The following RELN variants were observed in gnomAD, a reference collection of about 807,000 sequenced individuals.
The protein encoded by RELN is reelin.
RELN carries 108 observed loss-of-function variants against 427.6 expected under a neutral mutation model. The observed-to-expected ratio is 0.25, with a 90% CI of 0.22 to 0.30. The LOEUF is 0.30. Ranked by LOEUF, RELN falls within the 10% of genes least tolerant of loss-of-function variation. The pLI, the probability that RELN is intolerant of heterozygous loss-of-function variation, is 1.00. For synonymous variants in RELN, 1,524 were observed against 1,513.4 expected (o/e 1.01, Z -0.16); for missense variants, 3,715 against 4,302.8 (o/e 0.86, Z 3.82).
Position 103,496,643 on chromosome 7 carries a change from C to G in RELN, c.9076G>C (p.Val3026Leu). Reference sequence around the variant, plus strand: ...GAGACCACAATTCCATTGCTGATCACAAAAGGCTGCCACCAGCGAAGTCGA... The same window carrying G: ...GAGACCACAATTCCATTGCTGATCAGAAAAGGCTGCCACCAGCGAAGTCGA... ...TTRLRWWQPF[V>L]ISNGIVVSGV... The change falls in exon 56 of 65, where the codon GTG becomes CTG. Residue 3026 changes from valine to leucine, a missense_variant. Physicochemically the swap from Val to Leu is conservative, Grantham distance 32 (BLOSUM62 1). This residue lies in a region of RELN where 1,310 missense variants were observed against 1,643.0 expected (regional missense o/e 0.80). Coordinates refer to ENST00000428762, the MANE Select transcript of RELN (RefSeq NM_005045.4). 1 of 1,614,166 alleles carries G rather than the reference C, an allele frequency of 6.2e-7. No individual in the cohort carries two copies.
rs16872014 is a variant in RELN at position 103,515,485 on chromosome 7, C to T, written c.7863-44G>A. 81,501 of 1,589,492 alleles carry T rather than the reference C, an allele frequency of 0.051. 2,877 individuals carry two copies. Among genetic ancestry groups the T allele is most frequent in the East Asian group, 0.17 (7,675 of 43,960 alleles). ...GAAGGGTGTGGGGAAGAACCCTTGT[C>T]AAATATCTTCTCTGAGTAAAAGATT... On this transcript the variant is annotated intron_variant, in intron 49 of 64. Transcript: ENST00000428762.
intron 1 of RELN, among the ~76,000 whole-genome samples, chr7:103,930,647 A>G (rs1315267289): frequency 2.0e-5 from 3 of 152,010 alleles, no homozygotes; most frequent in African/African-American, 4.8e-5. Context: ...AAAATTTTTC[A>G]GTATAGACAA....
Position 103,593,843 on chromosome 7 carries a change from G to T in RELN, c.3751C>A (p.Gln1251Lys). The T allele has an allele frequency of 6.2e-7, 1 of 1,613,858 alleles. No homozygotes were observed. The highest frequency in any genetic ancestry group is 1.1e-5 in the South Asian group (1 of 91,070). Residue 1251 changes from glutamine to lysine, a missense_variant, in exon 27 of 65, where the codon CAG (glutamine) becomes AAG (lysine). By Grantham distance (53) the Gln-to-Lys change is moderately conservative (BLOSUM62 1). This residue lies in a region of RELN where 2,208 missense variants were observed against 2,361.7 expected (regional missense o/e 0.93). Transcript: ENST00000428762. ...EKPAFDYPMN[Q>K]MSVWLMLANE... ...GCCAACATCAACCACACACTCATCT[G>T]ATTCATAGGGTAATCAAAAGCTGGC...
chr7:103,690,510 T>C (rs977617032), intron 10 of RELN, among the ~76,000 whole-genome samples: 1 of 152,174 alleles, frequency 6.6e-6, no homozygotes, highest in Non-Finnish European at 1.5e-5. Flanking sequence ...GCTGATACAG[T>C]GTACCCCTTA....
intron 3 of RELN, among the ~76,000 whole-genome samples, chr7:103,832,202 C>A (rs979202205): frequency 6.6e-6 from 1 of 152,100 alleles, no homozygotes; most frequent in African/African-American, 2.4e-5. Context: ...ACAGGTTTTA[C>A]GGGATTTTGT....
rs796839967 is a variant in RELN, at chr7:103,791,117, A to G, written c.474-14490T>C. 7.9e-5 allele frequency among the ~76,000 whole-genome samples: 12 copies of G among 152,322 alleles called. 1 individual carries two copies. Among genetic ancestry groups the G allele is most frequent in the African/African-American group, 2.9e-4 (12 of 41,560 alleles). ...AAACATCACTGAAAAAAAAAGATGG[A>G]AATAAATGGAAAAACATCTTATGTT... is the stretch of plus-strand genomic sequence containing the variant. On this transcript the variant is annotated intron_variant, in intron 3 of 64. Transcript: ENST00000428762.
chr7:103,697,797 C>T (rs952496201), intron 10 of RELN, 56 bp downstream of exon 10: 3 of 1,611,716 alleles, frequency 1.9e-6, no homozygotes, highest in African/African-American at 1.3e-5. Flanking sequence ...TTGAGCTTCA[C>T]TTTTAGAAAG....
intron 64 of RELN, among the ~76,000 whole-genome samples, chr7:103,474,436 A>T (rs528198148): frequency 1.3e-5 from 2 of 152,260 alleles, no homozygotes; most frequent in African/African-American, 4.8e-5. Context: ...TTTCAAAAAA[A>T]TCAGGTTTTG....
chr7:103,621,887 G>A (rs1584352360), intron 20 of RELN, among the ~76,000 whole-genome samples: 1 of 152,112 alleles, frequency 6.6e-6, no homozygotes, highest in African/African-American at 2.4e-5. Flanking sequence ...GTGGTGGCAG[G>A]CGCCTGTAAT....
intron 3 of RELN, among the ~76,000 whole-genome samples, chr7:103,777,795 G>A (rs262340): frequency 0.4 from 61,255 of 151,568 alleles, 12,862 homozygotes; most frequent in African/African-American, 0.53. Context: ...AGTCTCTGAA[G>A]GTAATCTGAT....
intron 2 of RELN, 57 bp downstream of exon 2, chr7:103,917,018 T>C (rs1795496439): frequency 7.5e-6 from 9 of 1,205,208 alleles, no homozygotes; most frequent in Middle Eastern, 1.9e-4. Context: ...CTTTAAAACA[T>C]AAGACCTATG....
chr7:103,534,375 A>G (rs1308053549), intron 46 of RELN, among the ~76,000 whole-genome samples: 1 of 152,216 alleles, frequency 6.6e-6, no homozygotes, highest in Non-Finnish European at 1.5e-5. Context: ...ATGTAACACT[A>G]TTCCACTAGG....
rs1307467644 is a variant in RELN, at chr7:103,503,129, C to A, written c.8376G>T (p.Gln2792His). 6.2e-7 allele frequency: 1 copy of A among 1,614,088 alleles called. No individual in the cohort carries two copies. The highest frequency in any genetic ancestry group is 2.2e-5 in the East Asian group (1 of 44,886). Residue 2792 changes from glutamine (Q) to histidine (H), a missense_variant, in exon 52 of 65, where the codon CAG becomes CAT. By Grantham distance (24) the Gln-to-His change is conservative (BLOSUM62 0). Transcript: ENST00000428762. Reference sequence around the variant, plus strand: ...AGCATTTTGGGTCAGCAGGCAAGCACTGAGGGACCAGATAATTCCAACTCA... The same window carrying A: ...AGCATTTTGGGTCAGCAGGCAAGCAATGAGGGACCAGATAATTCCAACTCA... ...FGVSWNYLVP[Q>H]CLPADPKCSG...
intron 1 of RELN, among the ~76,000 whole-genome samples, chr7:103,987,015 G>A (rs1405734513): frequency 1.5e-5 from 2 of 137,102 alleles, no homozygotes; most frequent in African/African-American, 5.4e-5. Context: ...AAAAGGAAAA[G>A]AGACATACAT....
chr7:103,610,778 C>A lies in RELN; in HGVS notation c.2925G>T (p.Gln975His). The A allele has an allele frequency of 6.2e-7, 1 of 1,611,076 alleles. No homozygotes were observed. The highest frequency in any genetic ancestry group is 2.2e-5 in the East Asian group (1 of 44,798). The change falls in exon 22 of 65, where the codon CAG becomes CAT. Residue 975 changes from glutamine (Q) to histidine (H), a missense_variant. Gln to His is a conservative substitution (Grantham distance 24). Transcript: ENST00000428762. ...GGTAAATACTTGCTGATGTAAATTC[C>A]TGACAACTTGGCATACTTGGAAGGC... is the stretch of plus-strand genomic sequence containing the variant. Reference protein sequence around the residue: ...EECLPSMPSCQEFTSASIYHA... With the variant: ...EECLPSMPSCHEFTSASIYHA...
intron 22 of RELN, among the ~76,000 whole-genome samples, chr7:103,607,005 C>T (rs533986448): frequency 4.4e-4 from 65 of 147,964 alleles, no homozygotes; most frequent in East Asian, 4.0e-4. Flanking sequence ...ACAAAGGACA[C>T]GAACTCATCA....
intron 1 of RELN, among the ~76,000 whole-genome samples, chr7:103,942,674 G>A (rs749349803): frequency 1.1e-4 from 16 of 152,210 alleles, no homozygotes; most frequent in Non-Finnish European, 2.2e-4. Context: ...AGGACTTTGG[G>A]AGGCCAAGGC....
In RELN at chr7:103,988,614, T is replaced by C. The variant is rs1298549350; in HGVS notation, c.226+517A>G. 1.3e-5 allele frequency among the ~76,000 whole-genome samples: 2 copies of C among 152,204 alleles called. No homozygotes were observed. The highest frequency in any genetic ancestry group is 2.9e-5 in the Non-Finnish European group (2 of 68,044). ...CACTGAATGAAATGCCAGGGACTCCTGGCTGGTGAGCAGCGGGAACTTTGC... is the reference window on the plus strand; with the variant it reads ...CACTGAATGAAATGCCAGGGACTCCCGGCTGGTGAGCAGCGGGAACTTTGC... On this transcript the variant is annotated intron_variant, in intron 1 of 64. Coordinates refer to ENST00000428762, the MANE Select transcript of RELN (RefSeq NM_005045.4). This position sits in a 1 kb window ranked among gnomAD's most constrained non-coding sequence, Gnocchi z 4.9.
intron 8 of RELN, among the ~76,000 whole-genome samples, chr7:103,707,426 T>G (rs1257572506): frequency 1.3e-5 from 2 of 152,180 alleles, no homozygotes; most frequent in Non-Finnish European, 2.9e-5. Flanking sequence ...AATCATAAAT[T>G]TAAGATACAC....
Sources: gnomAD v4.1 joint callset for allele counts (sites outside exome capture counted in the v4.1 genomes callset) on GRCh38, gnomAD v4.1.1 for gene constraint, gnomAD v4.1.1 regional missense constraint, Gnocchi (gnomAD v3.1) non-coding constraint, MANE v1.5 for transcripts, NCBI Gene and HGNC (gene_info 2026-07-23, HGNC 2026-07-21) for gene names.